Variants in BAIAP3 observed in about 807,000 individuals in gnomAD.
BAIAP3 encodes BAI1 associated protein 3.
BAIAP3 carries 180 observed loss-of-function variants against 149.7 expected under a neutral mutation model. The ratio of observed to expected loss-of-function variants is 1.20; its 90% CI spans 1.07 to 1.36. BAIAP3 has a LOEUF of 1.36. BAIAP3 is among the 40% of genes most tolerant of loss of function. The pLI is 0.00. For missense variants in BAIAP3, 1,767 were observed against 1,563.4 expected (o/e 1.13, Z -2.20); for synonymous variants, 845 against 670.7 (o/e 1.26, Z -4.02).
Position 1,348,450 on chromosome 16 carries a change from G to C in BAIAP3, c.3427G>C (p.Glu1143Gln), listed in dbSNP as rs752614490. Residue 1143 changes from glutamate (E) to glutamine (Q), a missense_variant, in exon 34 of 34, where the codon GAG (glutamate) becomes CAG (glutamine). Glu to Gln is a conservative substitution (Grantham distance 29). Coordinates refer to ENST00000426824, the MANE Select transcript of BAIAP3 (RefSeq NM_001199097.2). ...GCAGGAGTTCGTGAAGAAACTCAAG[G>C]AGCTGGAGAAGTGCATGGAGGCGGA... The part of the protein sequence containing the change: ...EAQEFVKKLK[E>Q]LEKCMEADP 2.5e-6 allele frequency: 4 copies of C among 1,612,214 alleles called. No individual in the cohort carries two copies. The African/African-American group carries it at 5.3e-5, about 22-fold the overall frequency.
rs2034355320 is a variant in BAIAP3, at chr16:1,346,245, G to C, written c.2377G>C (p.Glu793Gln). ...GGCCTTGAAGGGCCTGGCATGGCCA[G>C]AGGGGGCCACGGGGCCCGAGGGGGT... ...GQALKGLAWP[E>Q]GATGPEGVLP... Residue 793 changes from glutamate (E) to glutamine (Q), a missense_variant, in exon 25 of 34, where the codon GAG becomes CAG. Physicochemically the swap from Glu to Gln is conservative, Grantham distance 29 (BLOSUM62 2). Coordinates refer to ENST00000426824, the MANE Select transcript of BAIAP3 (RefSeq NM_001199097.2). 1 of 1,611,758 alleles carries C rather than the reference G, an allele frequency of 6.2e-7. No individual in the cohort carries two copies. The highest frequency in any genetic ancestry group is 2.2e-5 in the East Asian group (1 of 44,848).
intron 26 of BAIAP3, 24 bp downstream of exon 26, chr16:1,346,534 TGGA>T: frequency 1.9e-6 from 3 of 1,597,064 alleles, no homozygotes; most frequent in African/African-American, 1.3e-5. Context: ...CGAGGGGCCG[TGGA>T]GGACTGTGTG....
intron 15 of BAIAP3, among the ~76,000 whole-genome samples, 198 bp downstream of exon 15, chr16:1,343,711 G>A (rs996998321): frequency 1.3e-5 from 2 of 152,238 alleles, no homozygotes; most frequent in African/African-American, 4.8e-5. Flanking sequence ...CTCGGGGGGC[G>A]GCCAGGACTT....
intron 29 of BAIAP3, 63 bp downstream of exon 29, chr16:1,347,432 C>G: frequency 6.3e-7 from 1 of 1,598,048 alleles, no homozygotes; most frequent in Non-Finnish European, 8.5e-7. Flanking sequence ...AACTGCAGCC[C>G]CACACGGGCT....
intron 5 of BAIAP3, 145 bp from the exon 6 acceptor site, chr16:1,340,777 C>G (rs753471244): frequency 2.6e-5 from 22 of 839,110 alleles, no homozygotes; most frequent in Non-Finnish European, 4.2e-5. Context: ...AACCCTCTGC[C>G]GCTGCCTCCC....
At chr16:1,340,668 G>A (rs552420331) in intron 5 of BAIAP3, among the ~76,000 whole-genome samples, 1 of 152,312 alleles carries the variant, frequency 6.6e-6, no homozygotes, top group Non-Finnish European at 1.5e-5. Flanking sequence ...CATGTGCTCT[G>A]AACTCCCCTG....
chr16:1,341,775 CAGAGCCTCGCCGG>C (rs2033940637), intron 8 of BAIAP3, 34 bp from the exon 9 acceptor site: 1 of 1,592,092 alleles, frequency 6.3e-7, no homozygotes. Context: ...CCGGCCTGGG[CAGAGCCTCGCCGG>C]GGACCCTCAT....
chr16:1,347,579 C>T lies in BAIAP3; in HGVS notation c.2858C>T (p.Ser953Phe), dbSNP rs753804870. The change falls in exon 30 of 34, where the codon TCC becomes TTC. Residue 953 changes from serine (S) to phenylalanine (F), a missense_variant. Coordinates refer to ENST00000426824, the MANE Select transcript of BAIAP3 (RefSeq NM_001199097.2). The part of the protein sequence containing the change: ...LKEELRLHKC[S>F]TRECIEQFYL... ...GAGGAGCTGCGGCTGCACAAATGTTCCACCCGCGAGTGCATCGAGCAGTTC... is the reference window on the plus strand; with the variant it reads ...GAGGAGCTGCGGCTGCACAAATGTTTCACCCGCGAGTGCATCGAGCAGTTC... 1 of 1,612,464 alleles carries T rather than the reference C, an allele frequency of 6.2e-7. No individual in the cohort carries two copies. The highest frequency in any genetic ancestry group is 1.1e-5 in the South Asian group (1 of 91,022).
chr16:1,348,797 C>G lies in BAIAP3; in HGVS notation c.*315C>G. 4.2e-6 allele frequency: 2 copies of G among 481,914 alleles called. No individual in the cohort carries two copies. The highest frequency in any genetic ancestry group is 7.5e-6 in the Non-Finnish European group (2 of 265,582). 29.9% of individuals were successfully genotyped at this position (481,914 alleles called of 1,614,324 possible). A position where few individuals can be genotyped will look rare whatever the true frequency, so the allele number is the denominator to read the frequency against. ...CTCCCTGCCCGCTTCCTTGGGCTCC[C>G]CGGCCCTGGGTGGGCGGTGGGCAGC... On this transcript the variant is annotated 3_prime_UTR_variant, in exon 34 of 34. Transcript: ENST00000426824.
chr16:1,343,962 T>C, intron 15 of BAIAP3, 60 bp from the exon 16 acceptor site: 2 of 1,601,150 alleles, frequency 1.2e-6, no homozygotes, highest in South Asian at 1.1e-5. Flanking sequence ...GCAGGGAGGA[T>C]GTTTCTCCTC....
intron 2 of BAIAP3, 91 bp downstream of exon 2, chr16:1,338,771 C>G: frequency 3.8e-6 from 6 of 1,571,148 alleles, no homozygotes; most frequent in Non-Finnish European, 5.2e-6. Flanking sequence ...CACCCCTGGG[C>G]GGGAAGGAGG....
rs368265440 is a variant in BAIAP3 at position 1,345,098 on chromosome 16, C to T, written c.1939C>T (p.Arg647Trp). 37 of 1,612,440 alleles carry T rather than the reference C, an allele frequency of 2.3e-5. No individual in the cohort carries two copies. The highest frequency in any genetic ancestry group is 2.0e-4 in the East Asian group (9 of 44,900). Residue 647 changes from arginine to tryptophan, a missense_variant and splice_region_variant, in exon 21 of 34, where the codon CGG becomes TGG. By Grantham distance (101) the Arg-to-Trp change is moderately radical (BLOSUM62 -3). Transcript: ENST00000426824. ...GCGCTTCTGGGATAGCATCCCTGGC[C>T]GGTGGGTGCCCCGTCCCTATCTCTT... Reference protein sequence around the residue: ...LQRFWDSIPGRDSRSLALAGI... With the variant: ...LQRFWDSIPGWDSRSLALAGI...
chr16:1,338,014 A>G (rs935437728), intron 1 of BAIAP3, among the ~76,000 whole-genome samples: 7 of 152,176 alleles, frequency 4.6e-5, no homozygotes, highest in African/African-American at 1.7e-4. Flanking sequence ...TCCTCCACCC[A>G]GGATGTCAGG....
intron 1 of BAIAP3, among the ~76,000 whole-genome samples, chr16:1,335,295 G>A (rs553843947): frequency 3.3e-5 from 5 of 152,384 alleles, no homozygotes; most frequent in African/African-American, 9.6e-5. Flanking sequence ...CCACAAGGCA[G>A]GAGCTCCTTG....
At chr16:1,334,869 GGA>G in intron 1 of BAIAP3, 1 of 1,040,844 alleles carries the variant, frequency 9.6e-7, no homozygotes, top group South Asian at 1.4e-5. Flanking sequence ...AGGGCAGCGT[GGA>G]GAGCCAGCCT....
In BAIAP3 at chr16:1,342,514, A is replaced by G; in HGVS notation, c.958-13A>G. ...GAGGAGTCTGGTGGGCCTGACCCCCATGCTACCCCCAGGAGGTGCCTGTGG... is the reference window on the plus strand; with the variant it reads ...GAGGAGTCTGGTGGGCCTGACCCCCGTGCTACCCCCAGGAGGTGCCTGTGG... On this transcript the variant is annotated splice_polypyrimidine_tract_variant and intron_variant, in intron 11 of 33. Transcript: ENST00000426824. 6.5e-7 allele frequency: 1 copy of G among 1,550,186 alleles called. No individual in the cohort carries two copies. Among genetic ancestry groups the G allele is most frequent in the Non-Finnish European group, 8.7e-7 (1 of 1,146,916 alleles).
Position 1,347,957 on chromosome 16 carries a change from G to A in BAIAP3, c.3089G>A (p.Ser1030Asn), listed in dbSNP as rs1162875408. The A allele has an allele frequency of 1.2e-6, 2 of 1,611,832 alleles. No individual in the cohort carries two copies. Among genetic ancestry groups the A allele is most frequent in the African/African-American group, 2.7e-5 (2 of 74,906 alleles). The stretch of plus-strand genomic sequence containing the variant: ...CCGCATCTCTTTCCACTGGTCCGCA[G>A]CCAGAGGACCCAGGTGAAGACCCGG... ...GPPHLFPLVR[S>N]QRTQVKTRTL... Residue 1030 changes from serine to asparagine, a missense_variant, in exon 32 of 34, where the codon AGC (serine) becomes AAC (asparagine). Coordinates refer to ENST00000426824, the MANE Select transcript of BAIAP3 (RefSeq NM_001199097.2).
In BAIAP3 at chr16:1,347,637, C is replaced by G; in HGVS notation, c.2904+12C>G. 1.2e-6 allele frequency: 2 copies of G among 1,612,994 alleles called. No homozygotes were observed. The highest frequency in any genetic ancestry group is 1.7e-6 in the Non-Finnish European group (2 of 1,179,988). On this transcript the variant is annotated intron_variant, in intron 30 of 33. Coordinates refer to ENST00000426824, the MANE Select transcript of BAIAP3 (RefSeq NM_001199097.2). The stretch of plus-strand genomic sequence containing the variant: ...ACAAGCTCAAACAGGTAGGGAGGCG[C>G]CAGGGACAGGGTGCTGCCTCCGAGG...
intron 8 of BAIAP3, 30 bp downstream of exon 8, chr16:1,341,519 G>A (rs770701477): frequency 4.1e-5 from 65 of 1,588,186 alleles, no homozygotes; most frequent in Middle Eastern, 2.0e-4. Flanking sequence ...GGGTGCGGGA[G>A]GGGGGCTCTG....
Sources: gnomAD v4.1 joint callset for allele counts (sites outside exome capture counted in the v4.1 genomes callset) on GRCh38, gnomAD v4.1.1 for gene constraint, MANE v1.5 for transcripts, NCBI Gene and HGNC (gene_info 2026-07-23, HGNC 2026-07-21) for gene names.